MYH15: variants seen among roughly 807,000 people sequenced by gnomAD.
The protein encoded by MYH15 is myosin heavy chain 15.
In MYH15, 227 loss-of-function variants were observed where a neutral mutation model predicts 240.5. The observed-to-expected ratio is 0.94, with a 90% CI of 0.85 to 1.05. The LOEUF is 1.05. MYH15 is among the 50% of genes least tolerant of loss of function. The pLI, the probability that MYH15 is intolerant of heterozygous loss-of-function variation, is 0.00. For synonymous variants in MYH15, 785 were observed against 796.7 expected (o/e 0.99, Z 0.25); for missense variants, 2,217 against 2,247.5 (o/e 0.99, Z 0.27).
intron 2 of MYH15, among the ~76,000 whole-genome samples, chr3:108,505,263 G>GT (rs998262184): frequency 1.3e-5 from 2 of 151,666 alleles, no homozygotes; most frequent in African/African-American, 4.8e-5. Flanking sequence ...GGTAAGTGGA[G>GT]TTTTTTTGTT....
chr3:108,509,402 G>T (rs2083504360), intron 1 of MYH15, among the ~76,000 whole-genome samples: 1 of 151,982 alleles, frequency 6.6e-6, no homozygotes, highest in South Asian at 2.1e-4. Context: ...ATAAGCCTCT[G>T]CATGACCAGT....
chr3:108,384,553 A>C (rs945940185), intron 39 of MYH15, 134 bp downstream of exon 39: 4 of 745,052 alleles, frequency 5.4e-6, no homozygotes, highest in Non-Finnish European at 8.5e-6. Flanking sequence ...TGAGAAAAAA[A>C]ACTGAGGATG....
intron 25 of MYH15, among the ~76,000 whole-genome samples, chr3:108,435,090 G>T (rs1028390631): frequency 6.6e-6 from 1 of 151,878 alleles, no homozygotes; most frequent in Non-Finnish European, 1.5e-5. Flanking sequence ...GATTTTCCTT[G>T]GATTCTTGAC....
At position 108,399,188 on chromosome 3, in the gene MYH15, GC is replaced by G; in HGVS notation, c.4815del (p.Leu1606Ter). ...AGGTCCTCTTCCATCTTCTTCTTCA[GC>G]CGGGTAACCTCAATTCTGCTCTTAG... ...SEAKSRIEVT[R>X]LKKKMEEDLN... is the part of the protein sequence containing the mutation. On this transcript the variant is annotated frameshift_variant, in exon 34 of 41. Coordinates refer to ENST00000693548, the MANE Select transcript of MYH15 (RefSeq NM_014981.3). LOFTEE classifies it high-confidence loss of function. The G allele has an allele frequency of 6.2e-7, 1 of 1,614,166 alleles. No individual in the cohort carries two copies. Among genetic ancestry groups the G allele is most frequent in the Non-Finnish European group, 8.5e-7 (1 of 1,180,008 alleles).
intron 21 of MYH15, among the ~76,000 whole-genome samples, chr3:108,446,073 C>T (rs574189983): frequency 6.6e-6 from 1 of 152,118 alleles, no homozygotes; most frequent in Non-Finnish European, 1.5e-5. Flanking sequence ...AAGCCTACCC[C>T]CAGTGACCCA....
chr3:108,408,664 C>T (rs2082564721), intron 31 of MYH15, among the ~76,000 whole-genome samples: 1 of 152,182 alleles, frequency 6.6e-6, no homozygotes, highest in East Asian at 1.9e-4. Context: ...CACTGGACAA[C>T]TTTTGCAACT....
chr3:108,467,729 C>T, intron 14 of MYH15, among the ~76,000 whole-genome samples: 1 of 152,026 alleles, frequency 6.6e-6, no homozygotes, highest in African/African-American at 2.4e-5. Context: ...AATCTCTTTA[C>T]CAATGCCTTA....
chr3:108,445,663 C>A (rs6804706), intron 21 of MYH15, among the ~76,000 whole-genome samples: 152,081 of 152,296 alleles, frequency 1, 75,933 homozygotes, highest in Middle Eastern at 1. Context: ...AAGTTACAAA[C>A]CACATATAGG....
intron 11 of MYH15, 44 bp from the exon 12 acceptor site, chr3:108,476,559 C>G (rs3996003): frequency 7.8e-7 from 1 of 1,274,372 alleles, no homozygotes; most frequent in Admixed American, 1.7e-5. Flanking sequence ...GAGGAAAACA[C>G]TGTTAAGATT....
At chr3:108,428,927 G>C in intron 26 of MYH15, 46 bp from the exon 27 acceptor site, 2 of 1,518,730 alleles carry the variant, frequency 1.3e-6, no homozygotes, top group Non-Finnish European at 1.8e-6. Context: ...CTTGTAGCAA[G>C]AGCTTTACTC....
At chr3:108,409,129 G>T (rs779712166) in intron 31 of MYH15, among the ~76,000 whole-genome samples, 3 of 152,208 alleles carry the variant, frequency 2.0e-5, no homozygotes, top group Non-Finnish European at 4.4e-5. Flanking sequence ...TAGGTCACCT[G>T]CTCCTCTGGT....
At chr3:108,434,006 G>A (rs1450269544) in intron 25 of MYH15, among the ~76,000 whole-genome samples, 1 of 151,706 alleles carries the variant, frequency 6.6e-6, no homozygotes, top group Non-Finnish European at 1.5e-5. Context: ...TTTCCTTACT[G>A]TGATAGAATA....
At chr3:108,388,891 G>A in intron 38 of MYH15, 79 bp downstream of exon 38, 2 of 1,220,198 alleles carry the variant, frequency 1.6e-6, no homozygotes, top group Non-Finnish European at 1.2e-6. Flanking sequence ...AGTCCCAGAA[G>A]GCCATTTCAG....
At chr3:108,507,199 A>G (rs1273464603) in intron 1 of MYH15, among the ~76,000 whole-genome samples, 2 of 133,536 alleles carry the variant, frequency 1.5e-5, no homozygotes, top group Non-Finnish European at 3.3e-5. Context: ...TATGCAATAT[A>G]TCATACTTTC....
At chr3:108,515,593 T>C (rs1411593589), upstream of MYH15, among the ~76,000 whole-genome samples, 1 of 152,228 alleles carries the variant, frequency 6.6e-6, no homozygotes, top group Non-Finnish European at 1.5e-5. Context: ...TAACGCATTA[T>C]GTCTCAGTCT....
At chr3:108,398,262 T>C (rs1339934973) in intron 35 of MYH15, among the ~76,000 whole-genome samples, 1 of 152,138 alleles carries the variant, frequency 6.6e-6, no homozygotes, top group African/African-American at 2.4e-5. Flanking sequence ...GTTAGAGTGA[T>C]GCATCCATAA....
rs199597424 is a variant in MYH15, at chr3:108,455,842, G to A, written c.2156C>T (p.Pro719Leu). ...DFKQRYCILNPRTFPKSKFVS... is the reference protein window; with the variant it reads ...DFKQRYCILNLRTFPKSKFVS... ...AAACTTGCTCTTTGGAAAGGTCCTT[G>A]GATTCAGAATGCAGTACCTAATTTA... The change falls in exon 20 of 41, where the codon CCA (proline) becomes CTA (leucine). Residue 719 changes from proline to leucine, a missense_variant. Pro to Leu is a moderately conservative substitution (Grantham distance 98). Transcript: ENST00000693548. 2 of 1,612,360 alleles carry A rather than the reference G, an allele frequency of 1.2e-6. No individual in the cohort carries two copies. Among genetic ancestry groups the A allele is most frequent in the African/African-American group, 1.3e-5 (1 of 74,926 alleles).
intron 28 of MYH15, 33 bp downstream of exon 28, chr3:108,421,055 A>C (rs2107554941): frequency 6.2e-7 from 1 of 1,612,784 alleles, no homozygotes; most frequent in Non-Finnish European, 8.5e-7. Flanking sequence ...GGGATTGAGA[A>C]TTGCCTATGA....
rs775070165 is a variant in MYH15 at position 108,428,518 on chromosome 3, G to A, written c.3676C>T (p.Arg1226Cys). The part of the protein sequence containing the change: ...LQLEVDDLLT[R>C]VEQMTRAKAN... Reference sequence around the variant, plus strand: ...TTAGCTCTTGTCATCTGCTCAACACGGGTCAGGAGGTCATCTACTTCTAGC... The same window carrying A: ...TTAGCTCTTGTCATCTGCTCAACACAGGTCAGGAGGTCATCTACTTCTAGC... Residue 1226 changes from arginine (R) to cysteine (C), a missense_variant, in exon 27 of 41, where the codon CGT (arginine) becomes TGT (cysteine). By Grantham distance (180) the Arg-to-Cys change is radical. Coordinates refer to ENST00000693548, the MANE Select transcript of MYH15 (RefSeq NM_014981.3). The A allele has an allele frequency of 8.7e-6, 14 of 1,613,784 alleles. No homozygotes were observed. Among genetic ancestry groups the A allele is most frequent in the East Asian group, 2.2e-5 (1 of 44,884 alleles).
Sources: gnomAD v4.1 joint callset for allele counts (sites outside exome capture counted in the v4.1 genomes callset) on GRCh38, gnomAD v4.1.1 for gene constraint, MANE v1.5 for transcripts, NCBI Gene and HGNC (gene_info 2026-07-23, HGNC 2026-07-21) for gene names.